Variants in MYO9B observed in about 807,000 individuals in gnomAD.
MYO9B encodes the protein unconventional myosin-IXb.
MYO9B carries 71 observed loss-of-function variants against 229.5 expected under a neutral mutation model. The ratio of observed to expected loss-of-function variants is 0.31; its 90% CI spans 0.26 to 0.38. The LOEUF (loss-of-function observed/expected upper bound fraction) is 0.38, where lower values mean the gene tolerates loss of function less well. Ranked by LOEUF, MYO9B falls within the 10% of genes least tolerant of loss-of-function variation. MYO9B has a pLI of 1.00. For missense variants in MYO9B, 2,255 were observed against 2,920.5 expected, an observed-to-expected ratio of 0.77 and a Z score of 5.25; for synonymous variants, 1,185 against 1,235.8, an observed-to-expected ratio of 0.96 and a Z score of 0.86.
At chr19:17,208,503 C>T (rs1165003369) in intron 35 of MYO9B, among the ~76,000 whole-genome samples, 5 of 151,358 alleles carry the variant, frequency 3.3e-5, no homozygotes, top group African/African-American at 1.2e-4. Context: ...ACGATCTCGG[C>T]TCACTGCAAG....
At chr19:17,076,165 G>T (rs1472132205) in intron 1 of MYO9B, among the ~76,000 whole-genome samples, 1 of 151,774 alleles carries the variant, frequency 6.6e-6, no homozygotes, top group Non-Finnish European at 1.5e-5. Context: ...AGTGGTAATT[G>T]GGGGGTCGCA....
intron 10 of MYO9B, among the ~76,000 whole-genome samples, chr19:17,164,967 C>T (rs34831515): frequency 0.21 from 32,111 of 151,980 alleles, 3,774 homozygotes; most frequent in East Asian, 0.33. Context: ...GAGGTTTAGG[C>T]GATCCTACCA....
rs182130210 is a variant in MYO9B, at chr19:17,164,228, C to T, written c.1671+1106C>T. Among the ~76,000 whole-genome samples the T allele has an allele frequency of 3.4e-3, 514 of 152,270 alleles. 3 individuals carry two copies. Among genetic ancestry groups the T allele is most frequent in the Non-Finnish European group, 4.2e-3 (283 of 68,010 alleles). On this transcript the variant is annotated intron_variant, in intron 10 of 39. Coordinates refer to ENST00000682292, the MANE Select transcript of MYO9B (RefSeq NM_004145.4). ...CAAAAGGAAAACTTAAGAAAACCCA[C>T]CCAGCCCAGGATGAGGCAAATGTCA... is the stretch of plus-strand genomic sequence containing the variant.
rs533318108 is a variant in MYO9B at position 17,157,894 on chromosome 19, A to G, written c.1329+856A>G. 1.3e-4 allele frequency among the ~76,000 whole-genome samples: 20 copies of G among 152,248 alleles called. 1 individual carries two copies. The highest frequency in any genetic ancestry group is 4.8e-4 in the African/African-American group (20 of 41,554). On this transcript the variant is annotated intron_variant, in intron 7 of 39. Coordinates refer to ENST00000682292, the MANE Select transcript of MYO9B (RefSeq NM_004145.4). Reference sequence around the variant, plus strand: ...AGTAAGGCCCTGTCTCTTAAAAAACAAAAAATTCTAGTTTGATCAAGTCAT... The same window carrying G: ...AGTAAGGCCCTGTCTCTTAAAAAACGAAAAATTCTAGTTTGATCAAGTCAT...
At chr19:17,077,193 G>T (rs1272062548) in intron 1 of MYO9B, among the ~76,000 whole-genome samples, 2 of 152,194 alleles carry the variant, frequency 1.3e-5, no homozygotes, top group Non-Finnish European at 2.9e-5. Flanking sequence ...TTTGTGCAGG[G>T]TGCTTTTGAT....
Position 17,193,053 on chromosome 19 carries a change from A to G in MYO9B, c.3119A>G (p.Gln1040Arg), listed in dbSNP as rs753430193. The G allele has an allele frequency of 1.1e-5, 16 of 1,462,506 alleles. No homozygotes were observed. The highest frequency in any genetic ancestry group is 1.3e-5 in the Non-Finnish European group (14 of 1,106,612). 90.6% of individuals were successfully genotyped at this position (1,462,506 alleles called of 1,614,324 possible). ...RLQSLCRGHL[Q>R]RKSFSQMISE... ...CAGAGCCTGTGTCGGGGGCACCTGC[A>G]GCGCAAGAGGTGAGCAGAGCCGGGC... The change falls in exon 21 of 40, where the codon CAG becomes CGG. Residue 1040 changes from glutamine to arginine, a missense_variant. By Grantham distance (43) the Gln-to-Arg change is conservative (BLOSUM62 1). Around this residue, in one of 7 missense-constraint regions of MYO9B, gnomAD observed 679 missense variants for 770.2 expected, o/e 0.88. Transcript: ENST00000682292. This position sits in a 1 kb window ranked among gnomAD's most constrained non-coding sequence, Gnocchi z 4.3.
chr19:17,210,410 C>A, intron 37 of MYO9B, 30 bp downstream of exon 37: 1 of 1,565,004 alleles, frequency 6.4e-7, no homozygotes. Flanking sequence ...GCCCGCGGTG[C>A]ATGTCTCCCG....
At position 17,137,207 on chromosome 19, in the gene MYO9B, A is replaced by G. The variant is rs190982166; in HGVS notation, c.841-8190A>G. Reference sequence around the variant, plus strand: ...TGTGCCATTGCACTCCAGCCTGGGCAACAAGAGCAAACTGTCTCAAAAAAA... The same window carrying G: ...TGTGCCATTGCACTCCAGCCTGGGCGACAAGAGCAAACTGTCTCAAAAAAA... On this transcript the variant is annotated intron_variant, in intron 2 of 39. Transcript: ENST00000682292. Among the ~76,000 whole-genome samples the G allele has an allele frequency of 2.4e-3, 361 of 149,268 alleles. 1 individual carries two copies. The highest frequency in any genetic ancestry group is 8.6e-3 in the African/African-American group (343 of 39,866).
Position 17,194,922 on chromosome 19 carries a change from C to T in MYO9B, c.3495C>T (p.His1165=). Residue 1165 remains histidine (H), a synonymous_variant, in exon 22 of 40, where the codon CAC becomes CAT. Transcript: ENST00000682292. ...AGCACGTCAAGTTCCAGAACAAACACATCCAGTCCTGCAAGGAGGAGAGTG... is the reference window on the plus strand; with the variant it reads ...AGCACGTCAAGTTCCAGAACAAACATATCCAGTCCTGCAAGGAGGAGAGTG... The part of the protein sequence containing the change: ...GLEHVKFQNK[H]IQSCKEESAL... 1.2e-6 allele frequency: 2 copies of T among 1,613,476 alleles called. No homozygotes were observed. The highest frequency in any genetic ancestry group is 1.7e-6 in the Non-Finnish European group (2 of 1,179,896).
At chr19:17,108,679 G>A (rs1416630155) in intron 2 of MYO9B, among the ~76,000 whole-genome samples, 1 of 152,150 alleles carries the variant, frequency 6.6e-6, no homozygotes, top group African/African-American at 2.4e-5. Flanking sequence ...GAAATTATCT[G>A]TGAGTTCTTT....
chr19:17,162,704 T>C (rs2072617145), intron 9 of MYO9B, among the ~76,000 whole-genome samples: 2 of 151,856 alleles, frequency 1.3e-5, no homozygotes, highest in South Asian at 4.2e-4. Context: ...GTACCTGTGG[T>C]CCCAGCTACT....
rs1293675775 is a variant in MYO9B, at chr19:17,188,062, T to A, written c.2688+17T>A. ...ACGTTCCAGGTAGGCCACAAGCACA[T>A]ATACCTGGACACACCTGTTCCGTGG... On this transcript the variant is annotated intron_variant, in intron 19 of 39. Coordinates refer to ENST00000682292, the MANE Select transcript of MYO9B (RefSeq NM_004145.4). 4 of 1,559,060 alleles carry A rather than the reference T, an allele frequency of 2.6e-6. No individual in the cohort carries two copies. The highest frequency in any genetic ancestry group is 1.4e-5 in the African/African-American group (1 of 73,476).
chr19:17,198,006 C>T (rs1316233537), intron 23 of MYO9B, 148 bp downstream of exon 23: 7 of 1,313,284 alleles, frequency 5.3e-6, no homozygotes, highest in African/African-American at 4.4e-5. Flanking sequence ...TGTAGTGAGC[C>T]TCGCGAGACC....
At chr19:17,184,123 G>C in intron 16 of MYO9B, 1 of 525,870 alleles carries the variant, frequency 1.9e-6, no homozygotes, top group Non-Finnish European at 3.4e-6. Context: ...AGAAGGCAGA[G>C]AGAAGGGGTG....
At chr19:17,191,346 C>T (rs763198264) in intron 20 of MYO9B, 127 bp downstream of exon 20, 110 of 1,251,476 alleles carry the variant, frequency 8.8e-5, no homozygotes, top group Non-Finnish European at 1.1e-4. Flanking sequence ...ATGCATTTCT[C>T]GGGACCCAGC....
intron 14 of MYO9B, among the ~76,000 whole-genome samples, chr19:17,179,040 A>C (rs1188761045): frequency 3.3e-5 from 5 of 151,562 alleles, no homozygotes; most frequent in African/African-American, 9.7e-5. Context: ...AAAAAAAAAA[A>C]AAAAAAAACT....
At chr19:17,175,636 C>T in intron 13 of MYO9B, 27 bp from the exon 14 acceptor site, 1 of 1,537,514 alleles carries the variant, frequency 6.5e-7, no homozygotes, top group Non-Finnish European at 8.8e-7. Flanking sequence ...GCCATCCCCA[C>T]CACCATCCAC....
intron 2 of MYO9B, among the ~76,000 whole-genome samples, chr19:17,114,397 C>T (rs2057879777): frequency 6.6e-6 from 1 of 152,040 alleles, no homozygotes; most frequent in Non-Finnish European, 1.5e-5. Flanking sequence ...CACTCATTGC[C>T]CACCCAGAGC....
intron 2 of MYO9B, among the ~76,000 whole-genome samples, chr19:17,130,934 C>G (rs1256035237): frequency 6.6e-6 from 1 of 152,126 alleles, no homozygotes; most frequent in Non-Finnish European, 1.5e-5. Context: ...TGAGACCCTG[C>G]TAAGTCAGTT....
Sources: gnomAD v4.1 joint callset for allele counts (sites outside exome capture counted in the v4.1 genomes callset) on GRCh38, gnomAD v4.1.1 for gene constraint, gnomAD v4.1.1 regional missense constraint, Gnocchi (gnomAD v3.1) non-coding constraint, MANE v1.5 for transcripts, NCBI Gene and HGNC (gene_info 2026-07-23, HGNC 2026-07-21) for gene names.